FRAS1: variants seen among roughly 807,000 people sequenced by gnomAD.
FRAS1 encodes the protein Fraser extracellular matrix complex subunit 1.
FRAS1 carries 290 observed loss-of-function variants against 435.2 expected under a neutral mutation model. The ratio of observed to expected loss-of-function variants is 0.67; its 90% CI spans 0.61 to 0.73. The LOEUF (loss-of-function observed/expected upper bound fraction) is 0.73. Among genes scored for constraint, FRAS1 ranks in the 30% least tolerant of loss-of-function variants. FRAS1 has a pLI of 0.00. For missense variants in FRAS1, 4,860 were observed against 5,001.5 expected (o/e 0.97, Z 0.85); for synonymous variants, 1,800 against 1,851.0 (o/e 0.97, Z 0.71).
intron 9 of FRAS1, among the ~76,000 whole-genome samples, chr4:78,270,643 C>A (rs1207733858): frequency 2.7e-5 from 4 of 150,828 alleles, no homozygotes; most frequent in Admixed American, 1.3e-4. Context: ...TTTTAGTGGA[C>A]ACTCAAGAAT....
chr4:78,366,057 G>A (rs1731255778), intron 22 of FRAS1, among the ~76,000 whole-genome samples: 1 of 152,072 alleles, frequency 6.6e-6, no homozygotes, highest in South Asian at 2.1e-4. Flanking sequence ...CTGCAATAAG[G>A]GCTTTTGAGG....
chr4:78,075,948 G>T (rs751081390), intron 2 of FRAS1, among the ~76,000 whole-genome samples: 11 of 152,150 alleles, frequency 7.2e-5, no homozygotes, highest in Non-Finnish European at 1.6e-4. Flanking sequence ...ATCACATAGG[G>T]CCTGGAATAA....
chr4:78,316,562 A>C (rs1482000389), intron 16 of FRAS1, among the ~76,000 whole-genome samples: 1 of 151,924 alleles, frequency 6.6e-6, no homozygotes, highest in African/African-American at 2.4e-5. Flanking sequence ...ATGGTCCTGC[A>C]GAGTCTTCTT....
At chr4:78,119,201 T>G (rs551490833) in intron 2 of FRAS1, among the ~76,000 whole-genome samples, 1 of 152,260 alleles carries the variant, frequency 6.6e-6, no homozygotes, top group South Asian at 2.1e-4. Flanking sequence ...ACATTGAATA[T>G]CCTCATTCTT....
chr4:78,078,647 A>C (rs528157025), intron 2 of FRAS1, among the ~76,000 whole-genome samples: 2 of 152,266 alleles, frequency 1.3e-5, no homozygotes, highest in Admixed American at 1.3e-4. Context: ...TCATTCAATA[A>C]TAATTAAGAA....
chr4:78,269,862 C>CA (rs951048452), intron 9 of FRAS1, among the ~76,000 whole-genome samples: 2 of 152,138 alleles, frequency 1.3e-5, no homozygotes, highest in African/African-American at 4.8e-5. Flanking sequence ...AAGCTTGGAG[C>CA]AAAATGCATA....
rs771154796 is a variant in FRAS1, at chr4:78,479,681, C to T, written c.8406C>T (p.Ser2802=). 1.2e-6 allele frequency: 2 copies of T among 1,604,270 alleles called. No individual in the cohort carries two copies. Among genetic ancestry groups the T allele is most frequent in the Admixed American group, 3.4e-5 (2 of 59,652 alleles). The part of the protein sequence containing the change: ...ISGPNDASTV[S]LGNTAFTVSE... ...GTCCCAACGATGCCTCGACTGTGTC[C>T]CTGGGCAACACGGCTTTCACTGTCA... The change falls in exon 56 of 74, where the codon TCC becomes TCT. Residue 2802 remains serine (S), a synonymous_variant. Transcript: ENST00000512123.
intron 29 of FRAS1, among the ~76,000 whole-genome samples, chr4:78,399,926 T>C (rs895137830): frequency 5.3e-5 from 8 of 152,242 alleles, no homozygotes; most frequent in Non-Finnish European, 8.8e-5. Context: ...CGTGTTGACT[T>C]TCCAGTGCCT....
intron 16 of FRAS1, 74 bp from the exon 17 acceptor site, chr4:78,317,294 T>C (rs345515): frequency 0.46 from 725,793 of 1,565,682 alleles, 176,202 homozygotes; most frequent in African/African-American, 0.83. Flanking sequence ...CCCAGGCCCG[T>C]GAAGCCCAGC....
chr4:78,418,930 C>G lies in FRAS1; in HGVS notation c.4426-19C>G, dbSNP rs566996247. On this transcript the variant is annotated intron_variant, in intron 32 of 73. Coordinates refer to ENST00000512123, the MANE Select transcript of FRAS1 (RefSeq NM_025074.7). ...TTTTTCATACCATGTGTTCCTCTTC[C>G]TTCTTAAACTTTGTTTAGGCTAGAG... The G allele has an allele frequency of 6.9e-7, 1 of 1,450,944 alleles. No homozygotes were observed. Among genetic ancestry groups the G allele is most frequent in the South Asian group, 1.2e-5 (1 of 82,060 alleles). 89.9% of individuals were successfully genotyped at this position (1,450,944 alleles called of 1,614,324 possible).
At chr4:78,450,565 G>T in intron 45 of FRAS1, 1 of 492,460 alleles carries the variant, frequency 2.0e-6, no homozygotes, top group East Asian at 3.5e-5. Flanking sequence ...AGCATTGGTG[G>T]CATTTGCAGC....
intron 52 of FRAS1, among the ~76,000 whole-genome samples, chr4:78,473,111 C>T (rs1390738594): frequency 1.3e-5 from 2 of 152,090 alleles, no homozygotes; most frequent in Non-Finnish European, 2.9e-5. Context: ...TTTCCTCTGT[C>T]AACTCTAGGA....
intron 54 of FRAS1, among the ~76,000 whole-genome samples, chr4:78,475,955 T>C (rs1337536684): frequency 2.6e-5 from 4 of 151,784 alleles, no homozygotes; most frequent in Non-Finnish European, 4.4e-5. Context: ...GAGAAGAGAG[T>C]GTGTAAGGAG....
At chr4:78,229,159 A>C (rs1243227317) in intron 2 of FRAS1, among the ~76,000 whole-genome samples, 1 of 152,116 alleles carries the variant, frequency 6.6e-6, no homozygotes, top group East Asian at 1.9e-4. Flanking sequence ...TCAGTTACAA[A>C]CTTTGGGACA....
intron 2 of FRAS1, among the ~76,000 whole-genome samples, chr4:78,139,452 G>A (rs1042005441): frequency 3.3e-5 from 5 of 152,122 alleles, no homozygotes; most frequent in African/African-American, 1.2e-4. Context: ...GTATAAAACA[G>A]CAATTTGCAG....
At chr4:78,365,897 G>A (rs771536015) in intron 22 of FRAS1, among the ~76,000 whole-genome samples, 16 of 151,668 alleles carry the variant, frequency 1.1e-4, no homozygotes, top group South Asian at 2.1e-4. Context: ...CCTGGGAGGC[G>A]GAGGCTGCAG....
chr4:78,181,873 C>T (rs1234599920), intron 2 of FRAS1: 2 of 1,611,786 alleles, frequency 1.2e-6, no homozygotes, highest in African/African-American at 1.3e-5. Flanking sequence ...TGGTCTGGGC[C>T]GCCGCCTGAG....
chr4:78,308,284 A>C, intron 15 of FRAS1, 75 bp downstream of exon 15: 3 of 1,417,496 alleles, frequency 2.1e-6, no homozygotes, highest in Non-Finnish European at 2.9e-6. Flanking sequence ...TTCAAATCAT[A>C]GCACATTACC....
At chr4:78,428,652 C>A (rs1734092502) in intron 35 of FRAS1, among the ~76,000 whole-genome samples, 2 of 152,152 alleles carry the variant, frequency 1.3e-5, no homozygotes, top group South Asian at 4.1e-4. Flanking sequence ...GAGACATAGA[C>A]TTGCCACTTC....
Sources: allele counts gnomAD v4.1 joint callset (sites outside exome capture counted in the v4.1 genomes callset), GRCh38; gene constraint gnomAD v4.1.1; transcripts MANE v1.5; gene names NCBI Gene and HGNC (gene_info 2026-07-23, HGNC 2026-07-21).